The following MRPL30 variants were observed in gnomAD, a reference collection of about 807,000 sequenced individuals.
MRPL30 encodes the protein mitochondrial ribosomal protein L30.
In MRPL30, 10 loss-of-function variants were observed where a neutral mutation model predicts 17.2. That is an observed-to-expected ratio of 0.58 (90% CI 0.36 to 0.99). The LOEUF (loss-of-function observed/expected upper bound fraction) is 0.99, where lower values mean the gene tolerates loss of function less well. MRPL30 is among the 50% of genes least tolerant of loss of function. The pLI is 0.01. For synonymous variants in MRPL30, 61 were observed against 62.1 expected, an observed-to-expected ratio of 0.98 and a Z score of 0.08; for missense variants, 170 against 189.8, an observed-to-expected ratio of 0.90 and a Z score of 0.61.
chr2:99,198,355 CT>C lies in MRPL30; in HGVS notation c.*2651del, dbSNP rs1202451761. 6.6e-6 allele frequency among the ~76,000 whole-genome samples: 1 copy of C among 152,200 alleles called. No individual in the cohort carries two copies. On this transcript the variant is annotated 3_prime_UTR_variant, in exon 6 of 6. Coordinates refer to ENST00000338148, the MANE Select transcript of MRPL30 (RefSeq NM_145212.4). ...GGGAAGGGATCTGCTCCCAAGCACT[CT>C]CAGGTTGTTGGCAGAATTTGTTTCC...
chr2:99,184,713 GGATTAA>G (rs1246349984), intron 1 of MRPL30, among the ~76,000 whole-genome samples: 1 of 152,126 alleles, frequency 6.6e-6, no homozygotes, highest in African/African-American at 2.4e-5. Context: ...TAAGTATGTT[GGATTAA>G]GTACCTAACC....
At chr2:99,187,971 C>T (rs764790458) in intron 2 of MRPL30, among the ~76,000 whole-genome samples, 5 of 152,124 alleles carry the variant, frequency 3.3e-5, no homozygotes, top group Non-Finnish European at 4.4e-5. Flanking sequence ...GTTACCAATC[C>T]GTGGTCTAAA....
intron 5 of MRPL30, 146 bp from the exon 6 acceptor site, chr2:99,195,427 T>G (rs964806339): frequency 1.9e-5 from 19 of 1,005,454 alleles, no homozygotes; most frequent in Admixed American, 2.6e-5. Context: ...ATCTCAGACA[T>G]TTACCATTTC....
intron 3 of MRPL30, among the ~76,000 whole-genome samples, chr2:99,190,681 A>G (rs1206278053): frequency 1.3e-5 from 2 of 152,226 alleles, no homozygotes; most frequent in Non-Finnish European, 2.9e-5. Context: ...AAGGATAGAT[A>G]CAAATGTTGG....
rs1051996133 is a variant in MRPL30, at chr2:99,196,601, A to T, written c.*896A>T. 6.6e-6 allele frequency: 1 copy of T among 152,284 alleles called. No homozygotes were observed. The highest frequency in any genetic ancestry group is 6.5e-5 in the Admixed American group (1 of 15,288). The allele number at this position is 152,284 out of a possible 1,614,324, so 9.4% of individuals were successfully genotyped here. ...ATTACAGGCATGAGCCACTGTACCCAGCCAAAATTGTTTTCTTTTTTAAGT... is the reference window on the plus strand; with the variant it reads ...ATTACAGGCATGAGCCACTGTACCCTGCCAAAATTGTTTTCTTTTTTAAGT... On this transcript the variant is annotated 3_prime_UTR_variant, in exon 6 of 6. Transcript: ENST00000338148.
chr2:99,182,291 C>A (rs1046885885), intron 1 of MRPL30, among the ~76,000 whole-genome samples: 1 of 152,232 alleles, frequency 6.6e-6, no homozygotes, highest in South Asian at 2.1e-4. Flanking sequence ...CGTGGTGGCT[C>A]ACGCCTGTAA....
Position 99,194,793 on chromosome 2 carries a change from G to A in MRPL30, c.175G>A (p.Asp59Asn). The A allele has an allele frequency of 1.9e-6, 3 of 1,596,508 alleles. No homozygotes were observed. Among genetic ancestry groups the A allele is most frequent in the South Asian group, 1.2e-5 (1 of 86,788 alleles). ...SPEDHEKYGG[D>N]PQNPHKLHIV... ...TGAAGATCATGAAAAATACGGTGGGGATCCACAGAACCCTCATAAACTGCA... is the reference window on the plus strand; with the variant it reads ...TGAAGATCATGAAAAATACGGTGGGAATCCACAGAACCCTCATAAACTGCA... Residue 59 changes from aspartate (D) to asparagine (N), a missense_variant, in exon 4 of 6, where the codon GAT becomes AAT. Asp to Asn is a conservative substitution (Grantham distance 23). Transcript: ENST00000338148.
intron 1 of MRPL30, among the ~76,000 whole-genome samples, chr2:99,185,180 G>A (rs991605419): frequency 2.0e-5 from 3 of 151,506 alleles, no homozygotes; most frequent in African/African-American, 7.3e-5. Flanking sequence ...GATGATCTGA[G>A]GTGAACAGTT....
At chr2:99,192,958 A>G (rs959877253) in intron 3 of MRPL30, among the ~76,000 whole-genome samples, 102 of 152,260 alleles carry the variant, frequency 6.7e-4, no homozygotes, top group African/African-American at 2.4e-3. Flanking sequence ...AATTGCAACA[A>G]AAGCCAAAAT....
chr2:99,183,170 A>AGG (rs34868679), intron 1 of MRPL30, among the ~76,000 whole-genome samples: 63 of 151,978 alleles, frequency 4.1e-4, no homozygotes, highest in South Asian at 1.2e-3. Context: ...AGATCAAACA[A>AGG]GGGGGGCAGC....
At chr2:99,184,946 C>T (rs1316724640) in intron 1 of MRPL30, among the ~76,000 whole-genome samples, 1 of 152,150 alleles carries the variant, frequency 6.6e-6, no homozygotes, top group Non-Finnish European at 1.5e-5. Context: ...TGTGTTAGAG[C>T]AGAGGTCTCC....
intron 2 of MRPL30, among the ~76,000 whole-genome samples, 166 bp downstream of exon 2, chr2:99,186,420 C>T (rs1240124256): frequency 6.6e-6 from 1 of 152,130 alleles, no homozygotes; most frequent in Non-Finnish European, 1.5e-5. Context: ...GTAGTCTCTG[C>T]CTCCCTGATT....
rs2093937634 is a variant in MRPL30, at chr2:99,188,243, A to C, written c.118A>C (p.Arg40=). The change falls in exon 3 of 6, where the codon AGA becomes CGA. Residue 40 remains arginine, a synonymous_variant. Coordinates refer to ENST00000338148, the MANE Select transcript of MRPL30 (RefSeq NM_145212.4). ...DWIRHKFTRS[R]IPEKVFQASP... ...GATTCGTCACAAATTCACCAGATCAAGAATTCCAGAAAAAGTAAGAACAAA... is the reference window on the plus strand; with the variant it reads ...GATTCGTCACAAATTCACCAGATCACGAATTCCAGAAAAAGTAAGAACAAA... 1 of 1,606,618 alleles carries C rather than the reference A, an allele frequency of 6.2e-7. No individual in the cohort carries two copies. Among genetic ancestry groups the C allele is most frequent in the East Asian group, 2.2e-5 (1 of 44,782 alleles).
chr2:99,196,346 G>A lies in MRPL30; in HGVS notation c.*641G>A, dbSNP rs2093955250. 6.6e-6 allele frequency: 1 copy of A among 152,502 alleles called. No homozygotes were observed. Among genetic ancestry groups the A allele is most frequent in the Non-Finnish European group, 1.5e-5 (1 of 68,318 alleles). The allele number at this position is 152,502 out of a possible 1,614,324, so 9.4% of individuals were successfully genotyped here. A position where few individuals can be genotyped will look rare whatever the true frequency, so the allele number is the denominator to read the frequency against. ...GACAGGGTCTTGCTCTGTCACCCAA[G>A]CTGGAATACAGTGGCATGATTTCAG... is the stretch of plus-strand genomic sequence containing the variant. On this transcript the variant is annotated 3_prime_UTR_variant, in exon 6 of 6. Transcript: ENST00000338148.
At chr2:99,191,933 T>C (rs1188695842) in intron 3 of MRPL30, among the ~76,000 whole-genome samples, 1 of 152,100 alleles carries the variant, frequency 6.6e-6, no homozygotes, top group Non-Finnish European at 1.5e-5. Flanking sequence ...CCTTTAAATA[T>C]TCTCACCTTT....
At chr2:99,193,764 C>T (rs369575531) in intron 3 of MRPL30, among the ~76,000 whole-genome samples, 21 of 152,196 alleles carry the variant, frequency 1.4e-4, no homozygotes, top group African/African-American at 4.1e-4. Context: ...TTGCGCCAGG[C>T]GTGGTGGTTC....
intron 3 of MRPL30, among the ~76,000 whole-genome samples, chr2:99,192,458 TC>T (rs1481293899): frequency 2.6e-5 from 4 of 152,194 alleles, no homozygotes; most frequent in Non-Finnish European, 5.9e-5. Context: ...ATTGCTCAAC[TC>T]CCACTTATGA....
intron 1 of MRPL30, chr2:99,185,732 G>A: frequency 2.3e-6 from 1 of 432,544 alleles, no homozygotes. Flanking sequence ...TTGATAGCTG[G>A]ATGCACTTGG....
rs1309080886 is a variant in MRPL30, at chr2:99,197,945, T to C, written c.*2240T>C. Among the ~76,000 whole-genome samples the C allele has an allele frequency of 6.6e-6, 1 of 152,172 alleles. No homozygotes were observed. The highest frequency in any genetic ancestry group is 1.5e-5 in the Non-Finnish European group (1 of 68,030). On this transcript the variant is annotated 3_prime_UTR_variant, in exon 6 of 6. Transcript: ENST00000338148. Reference sequence around the variant, plus strand: ...AGGTGTGAGCCACCATACCTGGCCTTACTGTACTAATATTAATATTGTGTA... The same window carrying C: ...AGGTGTGAGCCACCATACCTGGCCTCACTGTACTAATATTAATATTGTGTA...
Sources: allele counts gnomAD v4.1 joint callset (sites outside exome capture counted in the v4.1 genomes callset), GRCh38; gene constraint gnomAD v4.1.1; transcripts MANE v1.5; gene names NCBI Gene and HGNC (gene_info 2026-07-23, HGNC 2026-07-21).